Variants in RASSF4 observed in about 807,000 individuals in gnomAD.
The protein encoded by RASSF4 is Ras association domain family member 4.
Under a neutral mutation model 41.1 loss-of-function variants are expected in RASSF4, and 38 were observed. That is an observed-to-expected ratio of 0.92 (90% CI 0.71 to 1.21). The LOEUF is 1.21. RASSF4 is among the 50% of genes most tolerant of loss of function. The pLI is 0.00. For synonymous variants in RASSF4, 179 were observed against 163.4 expected (o/e 1.10, Z -0.73); for missense variants, 414 against 419.4 (o/e 0.99, Z 0.11).
intron 6 of RASSF4, among the ~76,000 whole-genome samples, chr10:44,987,296 ACCATATTGG>A (rs1272174173): frequency 6.6e-6 from 1 of 152,030 alleles, no homozygotes. Context: ...ACAGGGTTTC[ACCATATTGG>A]CCAGACTGGT....
intron 3 of RASSF4, among the ~76,000 whole-genome samples, chr10:44,972,859 C>T (rs1344382635): frequency 6.6e-6 from 1 of 152,250 alleles, no homozygotes; most frequent in Non-Finnish European, 1.5e-5. Flanking sequence ...GTAACTCAGA[C>T]ACCCTTCTAT....
At chr10:44,987,649 C>T (rs1401261357) in intron 6 of RASSF4, among the ~76,000 whole-genome samples, 1 of 146,006 alleles carries the variant, frequency 6.8e-6, no homozygotes, top group Non-Finnish European at 1.5e-5. Flanking sequence ...TTTTGCTGCA[C>T]CTGCGGTTTC....
rs201882565 is a variant in RASSF4, at chr10:44,977,814, A to G, written c.139-4707A>G. ...GACACAGCAGGGCGGCCCTTCCGGC[A>G]GGCCTGGGCTGGCCTGTGGGGTGGC... is the stretch of plus-strand genomic sequence containing the variant. On this transcript the variant is annotated intron_variant, in intron 3 of 10. Transcript: ENST00000340258. 56 of 1,600,490 alleles carry G rather than the reference A, an allele frequency of 3.5e-5. No individual in the cohort carries two copies. In the East Asian group the frequency reaches 1.1e-3, roughly 31 times the overall value.
chr10:44,963,662 C>A (rs1249311946), intron 1 of RASSF4, among the ~76,000 whole-genome samples: 3 of 152,362 alleles, frequency 2.0e-5, no homozygotes, highest in East Asian at 3.9e-4. Context: ...GTCCTCCTTT[C>A]TTTTGCTTCC....
At chr10:44,986,044 G>T (rs17157321) in intron 6 of RASSF4, among the ~76,000 whole-genome samples, 1 of 152,098 alleles carries the variant, frequency 6.6e-6, no homozygotes, top group Non-Finnish European at 1.5e-5. Flanking sequence ...TCCAAAAGGG[G>T]TTTAGTGTGT....
chr10:44,969,253 G>A lies in RASSF4; in HGVS notation c.-38-912G>A, dbSNP rs975039314. ...AAGCTGTGCAGATGCCAACAGGTTC[G>A]AGAAAGCTCTGGTGGATTTACTGTC... On this transcript the variant is annotated intron_variant, in intron 1 of 10. Transcript: ENST00000340258. Among the ~76,000 whole-genome samples the A allele has an allele frequency of 3.3e-5, 5 of 152,076 alleles. No individual in the cohort carries two copies. The East Asian group carries it at 5.8e-4, about 18-fold the overall frequency.
At position 44,971,926 on chromosome 10, in the gene RASSF4, T is replaced by C. The variant is rs151175094; in HGVS notation, c.138+78T>C. 8.4e-6 allele frequency: 8 copies of C among 951,670 alleles called. 1 individual carries two copies. The highest frequency in any genetic ancestry group is 1.3e-5 in the Non-Finnish European group (8 of 612,974). 59.0% of individuals were successfully genotyped at this position (951,670 alleles called of 1,614,324 possible). A position where few individuals can be genotyped will look rare whatever the true frequency, so the allele number is the denominator to read the frequency against. On this transcript the variant is annotated intron_variant, in intron 3 of 10. Coordinates refer to ENST00000340258, the MANE Select transcript of RASSF4 (RefSeq NM_032023.4). Reference sequence around the variant, plus strand: ...CCTGATACCTGTTGTTTCAGGGTAATGATGAAGACCATCCCCTTCACTCTC... The same window carrying C: ...CCTGATACCTGTTGTTTCAGGGTAACGATGAAGACCATCCCCTTCACTCTC...
Position 44,989,697 on chromosome 10 carries a change from C to G in RASSF4, c.661C>G (p.Leu221Val), listed in dbSNP as rs375274138. Reference sequence around the variant, plus strand: ...GGAAGATGGCCCCAGTGAGTTCGCACTCTACATCGTTCACGAGTCTGGGGG... The same window carrying G: ...GGAAGATGGCCCCAGTGAGTTCGCAGTCTACATCGTTCACGAGTCTGGGGG... Reference protein sequence around the residue: ...RVEDGPSEFALYIVHESGERT... With the variant: ...RVEDGPSEFAVYIVHESGERT... Residue 221 changes from leucine (L) to valine (V), a missense_variant, in exon 8 of 11, where the codon CTC becomes GTC. Transcript: ENST00000340258. The G allele has an allele frequency of 2.5e-6, 4 of 1,614,078 alleles. No homozygotes were observed. In the African/African-American group the frequency reaches 4.0e-5, roughly 16 times the overall value.
At chr10:44,974,330 T>C (rs1430245931) in intron 3 of RASSF4, among the ~76,000 whole-genome samples, 1 of 152,248 alleles carries the variant, frequency 6.6e-6, no homozygotes, top group Non-Finnish European at 1.5e-5. Flanking sequence ...TATAAGGTGA[T>C]ATAGGAATGA....
At chr10:44,974,117 A>G (rs990806436) in intron 3 of RASSF4, among the ~76,000 whole-genome samples, 30 of 152,160 alleles carry the variant, frequency 2.0e-4, no homozygotes, top group African/African-American at 7.2e-4. Flanking sequence ...CTGGGGCACC[A>G]AGCCCCTCCA....
intron 6 of RASSF4, among the ~76,000 whole-genome samples, chr10:44,986,181 A>G (rs1305354552): frequency 1.3e-5 from 2 of 152,218 alleles, no homozygotes; most frequent in Admixed American, 1.3e-4. Context: ...TCCTTACCAA[A>G]AAAAGGGTGG....
intron 6 of RASSF4, among the ~76,000 whole-genome samples, chr10:44,987,417 G>C (rs913151328): frequency 6.6e-6 from 1 of 152,064 alleles, no homozygotes; most frequent in Non-Finnish European, 1.5e-5. Context: ...TATTTCTTTG[G>C]ACAAGAAAGC....
At chr10:44,978,058 G>C in intron 3 of RASSF4, 2 of 1,588,474 alleles carry the variant, frequency 1.3e-6, no homozygotes, top group African/African-American at 1.4e-5. Context: ...GTGGCAACCT[G>C]TTGGGAAACA....
chr10:44,961,353 C>T (rs918339123), intron 1 of RASSF4, among the ~76,000 whole-genome samples: 2 of 152,192 alleles, frequency 1.3e-5, no homozygotes, highest in Non-Finnish European at 2.9e-5. Flanking sequence ...ACCAAGTGGA[C>T]CATGACAGAT....
At chr10:44,970,507 G>A (rs975618161) in intron 2 of RASSF4, 8 of 551,930 alleles carry the variant, frequency 1.4e-5, no homozygotes, top group East Asian at 8.7e-5. Flanking sequence ...CACTTTATAC[G>A]AAATAGGTGT....
At chr10:44,980,249 T>A (rs1301388991) in intron 3 of RASSF4, among the ~76,000 whole-genome samples, 1 of 152,186 alleles carries the variant, frequency 6.6e-6, no homozygotes, top group African/African-American at 2.4e-5. Flanking sequence ...GTGACCAGGA[T>A]TTCAGTGGCA....
At chr10:44,977,445 T>G (rs778827112) in intron 3 of RASSF4, 1 of 1,611,002 alleles carries the variant, frequency 6.2e-7, no homozygotes, top group East Asian at 2.2e-5. Flanking sequence ...AGGACACTGC[T>G]GGGGCGGGGG....
intron 3 of RASSF4, chr10:44,977,943 C>T (rs1205389037): frequency 6.2e-7 from 1 of 1,612,310 alleles, no homozygotes; most frequent in Non-Finnish European, 8.5e-7. Flanking sequence ...GGTGGGGGCT[C>T]CTGTCCAGGA....
intron 3 of RASSF4, among the ~76,000 whole-genome samples, chr10:44,979,724 G>GCCAGT (rs1841622840): frequency 1.3e-5 from 2 of 152,166 alleles, no homozygotes; most frequent in Non-Finnish European, 2.9e-5. Context: ...CCTGCAGACT[G>GCCAGT]GCCCATGTAG....
Sources: allele counts gnomAD v4.1 joint callset (sites outside exome capture counted in the v4.1 genomes callset), GRCh38; gene constraint gnomAD v4.1.1; transcripts MANE v1.5; gene names NCBI Gene and HGNC (gene_info 2026-07-23, HGNC 2026-07-21).